The following MGAT4C variants were observed in gnomAD, a reference collection of about 807,000 sequenced individuals.
MGAT4C encodes MGAT4 family member C.
A neutral mutation model predicts 40.1 loss-of-function variants in MGAT4C; 19 were observed. The observed-to-expected ratio is 0.47, with a 90% CI of 0.33 to 0.70. The LOEUF (loss-of-function observed/expected upper bound fraction) is 0.70. MGAT4C is among the 30% of genes least tolerant of loss of function. MGAT4C has a pLI of 0.02. For missense variants in MGAT4C, 491 were observed against 563.2 expected (o/e 0.87, Z 1.30); for synonymous variants, 181 against 187.1 (o/e 0.97, Z 0.27).
At chr12:86,006,679 T>C (rs2136797908) in intron 2 of MGAT4C, among the ~76,000 whole-genome samples, 1 of 152,168 alleles carries the variant, frequency 6.6e-6, no homozygotes, top group South Asian at 2.1e-4. Context: ...GCTCTCCATA[T>C]TTCATCCCTC....
intron 2 of MGAT4C, among the ~76,000 whole-genome samples, chr12:86,705,240 A>ATC: frequency 6.6e-6 from 1 of 151,876 alleles, no homozygotes; most frequent in East Asian, 1.9e-4. Context: ...CTATCTATCT[A>ATC]TCTATCTATC....
At chr12:86,767,949 A>C (rs1027675236) in intron 1 of MGAT4C, among the ~76,000 whole-genome samples, 1 of 152,186 alleles carries the variant, frequency 6.6e-6, no homozygotes, top group Admixed American at 6.5e-5. Flanking sequence ...CCCTTTGAAA[A>C]CTGGCACAAG....
intron 4 of MGAT4C, among the ~76,000 whole-genome samples, chr12:86,309,574 C>G (rs1383906793): frequency 6.6e-6 from 1 of 152,174 alleles, no homozygotes; most frequent in Non-Finnish European, 1.5e-5. Flanking sequence ...GGGCTCTGCC[C>G]TCATGACTTA....
chr12:86,341,939 T>C (rs1267490811), intron 3 of MGAT4C, among the ~76,000 whole-genome samples: 2 of 152,082 alleles, frequency 1.3e-5, no homozygotes, highest in Admixed American at 6.5e-5. Context: ...CCTTTGAGCA[T>C]TGGAGTGCCT....
At chr12:86,379,746 C>T (rs1387810887) in intron 3 of MGAT4C, among the ~76,000 whole-genome samples, 1 of 151,986 alleles carries the variant, frequency 6.6e-6, no homozygotes, top group Non-Finnish European at 1.5e-5. Flanking sequence ...TAATCTAAGG[C>T]TTGCTCGTTT....
At chr12:86,616,074 G>T (rs1239985187) in intron 2 of MGAT4C, among the ~76,000 whole-genome samples, 2 of 152,066 alleles carry the variant, frequency 1.3e-5, no homozygotes, top group African/African-American at 2.4e-5. Context: ...CCAGAATAGA[G>T]CTATGTACAC....
rs1488413883 is a variant in MGAT4C, at chr12:86,673,666, A to G, written c.-229+53543T>C. 3.3e-5 allele frequency among the ~76,000 whole-genome samples: 5 copies of G among 152,292 alleles called. No individual in the cohort carries two copies. The East Asian group carries it at 9.6e-4, about 29-fold the overall frequency. On this transcript the variant is annotated intron_variant, in intron 2 of 7. Coordinates refer to the MGAT4C transcript ENST00000548651. ...TTTAACACATCTTGATCAACTTTCA[A>G]TATATTCAATATGTTCAATAACTTA...
intron 2 of MGAT4C, among the ~76,000 whole-genome samples, chr12:86,555,201 A>G (rs1959549741): frequency 6.6e-6 from 1 of 151,988 alleles, no homozygotes; most frequent in South Asian, 2.1e-4. Context: ...TTAAAGTAAC[A>G]TATTCACAGT....
intron 2 of MGAT4C, among the ~76,000 whole-genome samples, chr12:86,010,487 G>C (rs541787597): frequency 6.6e-6 from 1 of 152,212 alleles, no homozygotes; most frequent in African/African-American, 2.4e-5. Flanking sequence ...AGACCAACCT[G>C]GACAACATGG....
chr12:86,167,520 T>G (rs1340620628), intron 1 of MGAT4C, among the ~76,000 whole-genome samples: 1 of 152,176 alleles, frequency 6.6e-6, no homozygotes, highest in Non-Finnish European at 1.5e-5. Context: ...GAACAGAAAT[T>G]TATTTGGCTC....
chr12:86,067,974 T>C (rs1233713092), intron 1 of MGAT4C: 1 of 152,134 alleles, frequency 6.6e-6, no homozygotes, highest in African/African-American at 2.4e-5. Flanking sequence ...TCAGATGGAT[T>C]TGCTCCTCAC....
intron 3 of MGAT4C, among the ~76,000 whole-genome samples, chr12:86,383,394 A>G (rs1368500458): frequency 6.6e-6 from 1 of 151,966 alleles, no homozygotes; most frequent in African/African-American, 2.4e-5. Context: ...TCTACTAAAA[A>G]TACAAAAATT....
intron 2 of MGAT4C, among the ~76,000 whole-genome samples, chr12:86,033,561 G>C (rs1448861198): frequency 6.7e-6 from 1 of 148,812 alleles, no homozygotes; most frequent in Non-Finnish European, 1.5e-5. Context: ...TCTCAGCTTG[G>C]ATGTTCTATA....
chr12:86,613,677 AC>A (rs1962356339), intron 2 of MGAT4C, among the ~76,000 whole-genome samples: 1 of 152,122 alleles, frequency 6.6e-6, no homozygotes, highest in African/African-American at 2.4e-5. Context: ...AACTGCAAGC[AC>A]CCTAAATAGA....
chr12:86,654,850 C>T (rs1374904608), intron 2 of MGAT4C, among the ~76,000 whole-genome samples: 3 of 151,324 alleles, frequency 2.0e-5, no homozygotes. Context: ...GGGGGATAAA[C>T]AGGAAGCATC....
At chr12:86,419,630 G>A (rs1199372203) in intron 3 of MGAT4C, among the ~76,000 whole-genome samples, 1 of 152,068 alleles carries the variant, frequency 6.6e-6, no homozygotes, top group African/African-American at 2.4e-5. Flanking sequence ...TAAAAAAGAA[G>A]TAAAAATAGA....
At chr12:86,682,121 T>A (rs1187623016) in intron 2 of MGAT4C, among the ~76,000 whole-genome samples, 3 of 152,052 alleles carry the variant, frequency 2.0e-5, no homozygotes, top group Non-Finnish European at 4.4e-5. Flanking sequence ...GAATGAAAAA[T>A]CTTGATAGTT....
chr12:86,672,022 A>C (rs1964265908), intron 2 of MGAT4C, among the ~76,000 whole-genome samples: 1 of 152,158 alleles, frequency 6.6e-6, no homozygotes, highest in Non-Finnish European at 1.5e-5. Context: ...TCCAGAATAG[A>C]TCATATGTTA....
chr12:86,180,064 A>G (rs1031664341), intron 1 of MGAT4C, among the ~76,000 whole-genome samples: 2 of 152,092 alleles, frequency 1.3e-5, no homozygotes, highest in Admixed American at 1.3e-4. Flanking sequence ...TGCTGTGTGC[A>G]CCCTTGGGAC....
Sources: gnomAD v4.1 joint callset for allele counts (sites outside exome capture counted in the v4.1 genomes callset) on GRCh38, gnomAD v4.1.1 for gene constraint, MANE v1.5 for transcripts, NCBI Gene and HGNC (gene_info 2026-07-23, HGNC 2026-07-21) for gene names.